ADCYAP1R1: variants seen among roughly 807,000 people sequenced by gnomAD.
ADCYAP1R1 encodes ADCYAP receptor type I, also known as pituitary adenylate cyclase-activating polypeptide type I receptor.
Under a neutral mutation model 67.6 loss-of-function variants are expected in ADCYAP1R1, and 44 were observed. The ratio of observed to expected loss-of-function variants is 0.65; its 90% CI spans 0.51 to 0.84. The LOEUF (loss-of-function observed/expected upper bound fraction) is 0.84. ADCYAP1R1 is among the 40% of genes least tolerant of loss of function. ADCYAP1R1 has a pLI of 0.00. For synonymous variants in ADCYAP1R1, 222 were observed against 219.6 expected, an observed-to-expected ratio of 1.01 and a Z score of -0.10; for missense variants, 477 against 587.9, an observed-to-expected ratio of 0.81 and a Z score of 1.95.
intron 12 of ADCYAP1R1, among the ~76,000 whole-genome samples, chr7:31,090,521 G>A (rs1795922886): frequency 6.6e-6 from 1 of 152,174 alleles, no homozygotes; most frequent in Non-Finnish European, 1.5e-5. Flanking sequence ...CGTCACCCAG[G>A]TAGTGAGCAT....
intron 2 of ADCYAP1R1, 55 bp downstream of exon 2, chr7:31,063,370 C>T: frequency 3.1e-6 from 5 of 1,597,410 alleles, no homozygotes; most frequent in Non-Finnish European, 4.3e-6. Flanking sequence ...AGTCCCCGCT[C>T]CAGAGAACTC....
chr7:31,092,558 C>A, intron 12 of ADCYAP1R1, 86 bp from the exon 13 acceptor site: 1 of 984,482 alleles, frequency 1.0e-6, no homozygotes. Flanking sequence ...GGGATCTTGA[C>A]TAGGTGGGGG....
At chr7:31,064,531 C>T (rs1163081424) in intron 2 of ADCYAP1R1, among the ~76,000 whole-genome samples, 4 of 152,326 alleles carry the variant, frequency 2.6e-5, no homozygotes, top group African/African-American at 7.2e-5. Context: ...CAGAATAATG[C>T]ATGCACAGAG....
rs989228862 is a variant in ADCYAP1R1, at chr7:31,102,566, C to T, written c.1047-671C>T. Among the ~76,000 whole-genome samples the T allele has an allele frequency of 6.6e-6, 1 of 152,214 alleles. No individual in the cohort carries two copies. Among genetic ancestry groups the T allele is most frequent in the Non-Finnish European group, 1.5e-5 (1 of 68,042 alleles). On this transcript the variant is annotated intron_variant, in intron 13 of 15. Coordinates refer to ENST00000304166, the MANE Select transcript of ADCYAP1R1 (RefSeq NM_001118.5). The surrounding 1 kb of genome is among the most constrained non-coding windows in gnomAD (Gnocchi z 4.3). Reference sequence around the variant, plus strand: ...CTGCAGTCCTCCGGCCCTTCCTCCCCTGCCTGGCCCACTTCAGAGCATTCT... The same window carrying T: ...CTGCAGTCCTCCGGCCCTTCCTCCCTTGCCTGGCCCACTTCAGAGCATTCT...
intron 15 of ADCYAP1R1, among the ~76,000 whole-genome samples, chr7:31,105,992 A>C (rs1393321486): frequency 6.6e-6 from 1 of 152,206 alleles, no homozygotes; most frequent in Non-Finnish European, 1.5e-5. Context: ...AATGGTTCTC[A>C]ACCCTGACTG....
chr7:31,106,421 C>A, intron 15 of ADCYAP1R1, 75 bp from the exon 16 acceptor site: 1 of 1,501,564 alleles, frequency 6.7e-7, no homozygotes, highest in Non-Finnish European at 8.9e-7. Flanking sequence ...CTGGGAAGGG[C>A]CCCAGGCCAG....
chr7:31,076,565 C>T (rs1795227577), intron 3 of ADCYAP1R1, among the ~76,000 whole-genome samples: 1 of 152,210 alleles, frequency 6.6e-6, no homozygotes, highest in Admixed American at 6.5e-5. Flanking sequence ...TCGTCTGTCC[C>T]TTCCTCTCCA....
rs183764194 is a variant in ADCYAP1R1 at position 31,102,752 on chromosome 7, C to T, written c.1047-485C>T. Reference sequence around the variant, plus strand: ...CTCCCTCCCTGCCATCAGCACTTCCCCATCACTTGGTGAGTGTCCCGGCTA... The same window carrying T: ...CTCCCTCCCTGCCATCAGCACTTCCTCATCACTTGGTGAGTGTCCCGGCTA... On this transcript the variant is annotated intron_variant, in intron 13 of 15. Coordinates refer to ENST00000304166, the MANE Select transcript of ADCYAP1R1 (RefSeq NM_001118.5). The surrounding 1 kb of genome is among the most constrained non-coding windows in gnomAD (Gnocchi z 4.3). Among the ~76,000 whole-genome samples the T allele has an allele frequency of 6.6e-6, 1 of 152,244 alleles. No individual in the cohort carries two copies. Among genetic ancestry groups the T allele is most frequent in the Non-Finnish European group, 1.5e-5 (1 of 68,016 alleles).
At position 31,102,442 on chromosome 7, in the gene ADCYAP1R1, C is replaced by T. The variant is rs776165657; in HGVS notation, c.1047-795C>T. On this transcript the variant is annotated intron_variant, in intron 13 of 15. Coordinates refer to ENST00000304166, the MANE Select transcript of ADCYAP1R1 (RefSeq NM_001118.5). This position sits in a 1 kb window ranked among gnomAD's most constrained non-coding sequence, Gnocchi z 4.3. ...ATGGTCCAGGTGTCCTAGCTGTGGG[C>T]TTCTGTGGCCCTGTGGCTTCAGAAC... 2.0e-5 allele frequency among the ~76,000 whole-genome samples: 3 copies of T among 152,200 alleles called. No homozygotes were observed. The highest frequency in any genetic ancestry group is 4.4e-5 in the Non-Finnish European group (3 of 68,034).
chr7:31,086,938 C>T lies in ADCYAP1R1; in HGVS notation c.824-5C>T, dbSNP rs1220314221. 2 of 1,614,006 alleles carry T rather than the reference C, an allele frequency of 1.2e-6. No individual in the cohort carries two copies. The highest frequency in any genetic ancestry group is 2.7e-5 in the African/African-American group (2 of 74,908). On this transcript the variant is annotated splice_region_variant and splice_polypyrimidine_tract_variant and intron_variant, in intron 10 of 15. Coordinates refer to ENST00000304166, the MANE Select transcript of ADCYAP1R1 (RefSeq NM_001118.5). This position sits in a 1 kb window ranked among gnomAD's most constrained non-coding sequence, Gnocchi z 5.0. ...CTCACGGACCTCTTTTTCTTGTTCT[C>T]CCAGGGACCCCAACTGTGTGTGTGA... is the stretch of plus-strand genomic sequence containing the variant.
Position 31,106,781 on chromosome 7 carries a change from C to G in ADCYAP1R1, c.*97C>G. The G allele has an allele frequency of 7.2e-7, 1 of 1,392,200 alleles. No homozygotes were observed. Among genetic ancestry groups the G allele is most frequent in the Non-Finnish European group, 9.5e-7 (1 of 1,048,204 alleles). The allele number at this position is 1,392,200 out of a possible 1,614,324, so 86.2% of individuals were successfully genotyped here. A position where few individuals can be genotyped will look rare whatever the true frequency, so the allele number is the denominator to read the frequency against. ...TTTGCGCCTCTTCCCTCCCCTTGGG[C>G]AGGCCCTGGGCTGGAAGCTTGGCTC... On this transcript the variant is annotated 3_prime_UTR_variant, in exon 16 of 16. Transcript: ENST00000304166.
At chr7:31,088,909 T>G (rs963264021) in intron 12 of ADCYAP1R1, among the ~76,000 whole-genome samples, 3 of 152,216 alleles carry the variant, frequency 2.0e-5, no homozygotes, top group Admixed American at 1.3e-4. Context: ...AAGATTTGTG[T>G]AGGAATTGCA....
At chr7:31,077,295 A>G (rs866392041) in intron 3 of ADCYAP1R1, among the ~76,000 whole-genome samples, 3 of 149,194 alleles carry the variant, frequency 2.0e-5, no homozygotes, top group Admixed American at 6.7e-5. Flanking sequence ...GTGCACATTC[A>G]TGTGTGATGT....
At chr7:31,064,763 C>T (rs538722022) in intron 2 of ADCYAP1R1, 68 bp from the exon 3 acceptor site, 1 of 1,316,240 alleles carries the variant, frequency 7.6e-7, no homozygotes, top group South Asian at 1.3e-5. Context: ...GCCCCTGGGG[C>T]TTTGGTAGGA....
At chr7:31,071,921 C>T (rs541691278) in intron 3 of ADCYAP1R1, among the ~76,000 whole-genome samples, 1 of 152,204 alleles carries the variant, frequency 6.6e-6, no homozygotes, top group Admixed American at 6.5e-5. Context: ...CCCCCAACAT[C>T]TGGTTCTCAC....
At position 31,086,476 on chromosome 7, in the gene ADCYAP1R1, G is replaced by A; in HGVS notation, c.762G>A (p.Leu254=). The stretch of plus-strand genomic sequence containing the variant: ...TCGAGGGCCTGTACCTCTTCACTCT[G>A]CTGGTGGAGACCTTCTTCCCTGAAA... ...LFIEGLYLFT[L]LVETFFPERR... is the part of the protein sequence containing the mutation. The change falls in exon 10 of 16, where the codon CTG becomes CTA. Residue 254 remains leucine, a synonymous_variant. Coordinates refer to ENST00000304166, the MANE Select transcript of ADCYAP1R1 (RefSeq NM_001118.5). This position sits in a 1 kb window ranked among gnomAD's most constrained non-coding sequence, Gnocchi z 5.0. The A allele has an allele frequency of 6.2e-7, 1 of 1,614,196 alleles. No individual in the cohort carries two copies. Among genetic ancestry groups the A allele is most frequent in the South Asian group, 1.1e-5 (1 of 91,082 alleles).
chr7:31,087,154 C>A, intron 11 of ADCYAP1R1, 151 bp downstream of exon 11: 1 of 887,876 alleles, frequency 1.1e-6, no homozygotes, highest in Non-Finnish European at 1.7e-6. Flanking sequence ...ACCACCTGAG[C>A]CATGGCCCCA....
At chr7:31,101,915 T>TG (rs1431228475) in intron 13 of ADCYAP1R1, among the ~76,000 whole-genome samples, 2 of 152,114 alleles carry the variant, frequency 1.3e-5, no homozygotes, top group Non-Finnish European at 1.5e-5. Context: ...GCGGAAAGGG[T>TG]GGACACCCAC....
chr7:31,095,860 G>A, intron 13 of ADCYAP1R1: 1 of 640,596 alleles, frequency 1.6e-6, no homozygotes, highest in Non-Finnish European at 2.8e-6. Flanking sequence ...CCTCTGCGGG[G>A]GGACGGTGGC....
Sources: allele counts gnomAD v4.1 joint callset (sites outside exome capture counted in the v4.1 genomes callset), GRCh38; gene constraint gnomAD v4.1.1; non-coding constraint Gnocchi (gnomAD v3.1); transcripts MANE v1.5; gene names NCBI Gene and HGNC (gene_info 2026-07-23, HGNC 2026-07-21).